Variants in FHAD1 observed in about 807,000 individuals in gnomAD.
FHAD1 encodes forkhead-associated domain-containing protein 1.
In FHAD1, 146 loss-of-function variants were observed where a neutral mutation model predicts 191.3. That is an observed-to-expected ratio of 0.76 (90% confidence interval 0.67 to 0.88). The LOEUF (loss-of-function observed/expected upper bound fraction) is 0.88. Ranked by LOEUF, FHAD1 falls within the 40% of genes least tolerant of loss-of-function variation. The probability of loss-of-function intolerance (pLI) is 0.00; values close to 1 mark genes in which losing one functional copy is unlikely to be tolerated. For missense variants in FHAD1, 1,635 were observed against 1,785.8 expected, an observed-to-expected ratio of 0.92 and a Z score of 1.52; for synonymous variants, 616 against 672.3, an observed-to-expected ratio of 0.92 and a Z score of 1.29.
intron 4 of FHAD1, 173 bp from the exon 5 acceptor site, chr1:15,296,511 C>T: frequency 1.5e-6 from 1 of 651,320 alleles, no homozygotes; most frequent in South Asian, 1.5e-5. Context: ...CCTTGGCCTC[C>T]CAAAGTGCTG....
chr1:15,280,109 G>A (rs1660050251), intron 3 of FHAD1, among the ~76,000 whole-genome samples: 1 of 152,132 alleles, frequency 6.6e-6, no homozygotes. Flanking sequence ...TCCATCCCAG[G>A]GAAGGTGGCA....
chr1:15,263,613 A>C (rs1652103500), intron 2 of FHAD1, among the ~76,000 whole-genome samples: 1 of 140,784 alleles, frequency 7.1e-6, no homozygotes, highest in East Asian at 2.1e-4. Flanking sequence ...GCTCCGCCTC[A>C]CGGGTTCATG....
chr1:15,373,762 G>A (rs536738500), intron 26 of FHAD1, among the ~76,000 whole-genome samples: 6 of 152,276 alleles, frequency 3.9e-5, no homozygotes, highest in Admixed American at 6.5e-5. Flanking sequence ...TGGAAGGATC[G>A]CTTGAGCGCA....
rs1159154203 is a variant in FHAD1 at position 15,316,279 on chromosome 1, G to A, written c.1171-99G>A. 8 of 906,464 alleles carry A rather than the reference G, an allele frequency of 8.8e-6. No homozygotes were observed. In the South Asian group the frequency reaches 1.1e-4, roughly 12 times the overall value. 56.2% of individuals were successfully genotyped at this position (906,464 alleles called of 1,614,324 possible). A position where few individuals can be genotyped will look rare whatever the true frequency, so the allele number is the denominator to read the frequency against. On this transcript the variant is annotated intron_variant, in intron 8 of 33. Transcript: ENST00000688493. The surrounding 1 kb of genome is among the most constrained non-coding windows in gnomAD (Gnocchi z 4.3). ...TGACTGGATGGAAACAGCAGGAAAT[G>A]CTCTCAGGGGCTCACATGGGGCCTT...
At chr1:15,365,342 T>A (rs1339364390) in intron 23 of FHAD1, among the ~76,000 whole-genome samples, 1 of 147,318 alleles carries the variant, frequency 6.8e-6, no homozygotes, top group Admixed American at 6.8e-5. Context: ...TCTTTCTTTC[T>A]TTTTTTTTTT....
chr1:15,251,283 A>C (rs1444412018), intron 1 of FHAD1, among the ~76,000 whole-genome samples: 1 of 110,972 alleles, frequency 9.0e-6, no homozygotes, highest in Non-Finnish European at 1.8e-5. Context: ...CAAAAAAAAA[A>C]AACAAAAAAA....
chr1:15,380,540 A>G (rs940537889), intron 28 of FHAD1, among the ~76,000 whole-genome samples, 161 bp from the exon 29 acceptor site: 32 of 152,242 alleles, frequency 2.1e-4, no homozygotes, highest in African/African-American at 7.5e-4. Context: ...TACAATTATA[A>G]GAAAGCAGTT....
chr1:15,360,957 A>G (rs931796883), intron 22 of FHAD1, among the ~76,000 whole-genome samples: 1 of 152,220 alleles, frequency 6.6e-6, no homozygotes, highest in African/African-American at 2.4e-5. Flanking sequence ...CACACAGGCT[A>G]CCGGGGCTGT....
intron 2 of FHAD1, among the ~76,000 whole-genome samples, chr1:15,257,576 C>T (rs1351087274): frequency 2.0e-5 from 3 of 152,176 alleles, no homozygotes; most frequent in African/African-American, 2.4e-5. Flanking sequence ...CCTCACCAGG[C>T]GTCCTGCGCT....
At chr1:15,245,703 G>T (rs1258190201), upstream of FHAD1, among the ~76,000 whole-genome samples, 1 of 152,206 alleles carries the variant, frequency 6.6e-6, no homozygotes, top group South Asian at 2.1e-4. Flanking sequence ...CAGACTGAGG[G>T]CCTGGAAGAG....
chr1:15,390,658 T>C (rs1249032521), intron 32 of FHAD1, among the ~76,000 whole-genome samples: 1 of 152,156 alleles, frequency 6.6e-6, no homozygotes, highest in East Asian at 1.9e-4. Context: ...CAGGGAACTG[T>C]TGCTGAGGTG....
At position 15,317,834 on chromosome 1, in the gene FHAD1, A is replaced by T; in HGVS notation, c.1271A>T (p.Asp424Val). The T allele has an allele frequency of 3.2e-6, 5 of 1,551,624 alleles. No homozygotes were observed. The highest frequency in any genetic ancestry group is 4.4e-6 in the Non-Finnish European group (5 of 1,146,854). ...ELKLCKTQIQ[D>V]MEKEMKKLRA... Reference sequence around the variant, plus strand: ...TTGAAACTTTTTCAGCAAATCCAAGACATGGAGAAAGAAATGAAGAAGCTT... The same window carrying T: ...TTGAAACTTTTTCAGCAAATCCAAGTCATGGAGAAAGAAATGAAGAAGCTT... Residue 424 changes from aspartate to valine, a missense_variant, in exon 10 of 34, where the codon GAC becomes GTC. Asp to Val is a radical substitution (Grantham distance 152). Coordinates refer to ENST00000688493, the MANE Select transcript of FHAD1 (RefSeq NM_001391957.1).
chr1:15,323,392 G>A (rs1266832421), intron 10 of FHAD1, among the ~76,000 whole-genome samples: 1 of 152,114 alleles, frequency 6.6e-6, no homozygotes, highest in African/African-American at 2.4e-5. Context: ...AGAAGCTGGG[G>A]TATGTTTACA....
intron 2 of FHAD1, among the ~76,000 whole-genome samples, chr1:15,261,104 C>G (rs1650821474): frequency 6.6e-6 from 1 of 152,166 alleles, no homozygotes; most frequent in Non-Finnish European, 1.5e-5. Flanking sequence ...GAGGATGATG[C>G]TATCATTTGT....
intron 10 of FHAD1, among the ~76,000 whole-genome samples, chr1:15,322,336 C>T (rs1343624960): frequency 6.6e-6 from 1 of 152,226 alleles, no homozygotes. Context: ...CATTTCATCT[C>T]TTTTCATCCT....
chr1:15,309,480 A>T (rs1671572404), intron 7 of FHAD1, among the ~76,000 whole-genome samples: 2 of 152,170 alleles, frequency 1.3e-5, no homozygotes, highest in South Asian at 4.1e-4. Context: ...CCAGAGAGAG[A>T]TCAGTGCTCC....
At chr1:15,387,674 C>T (rs1702473629) in intron 31 of FHAD1, among the ~76,000 whole-genome samples, 1 of 151,910 alleles carries the variant, frequency 6.6e-6, no homozygotes, top group African/African-American at 2.4e-5. Context: ...GGCTTGAGCC[C>T]ATGAGTTGGT....
chr1:15,344,580 A>C (rs1372787381), intron 16 of FHAD1, among the ~76,000 whole-genome samples: 1 of 152,192 alleles, frequency 6.6e-6, no homozygotes, highest in East Asian at 1.9e-4. Flanking sequence ...ACAAAAACAG[A>C]CCAGATTTGG....
intron 6 of FHAD1, among the ~76,000 whole-genome samples, chr1:15,303,678 G>A (rs1222321249): frequency 1.3e-5 from 2 of 151,996 alleles, no homozygotes; most frequent in African/African-American, 2.4e-5. Context: ...GGCGAAACCC[G>A]TCTCTACTAA....
Sources: allele counts gnomAD v4.1 joint callset (sites outside exome capture counted in the v4.1 genomes callset), GRCh38; gene constraint gnomAD v4.1.1; non-coding constraint Gnocchi (gnomAD v3.1); transcripts MANE v1.5; gene names NCBI Gene and HGNC (gene_info 2026-07-23, HGNC 2026-07-21).